AKT3: variants seen among roughly 807,000 people sequenced by gnomAD.
AKT3 encodes the protein AKT serine/threonine kinase 3.
AKT3 carries 15 observed loss-of-function variants against 65.3 expected under a neutral mutation model. The observed-to-expected ratio is 0.23, with a 90% CI of 0.15 to 0.35. The LOEUF (loss-of-function observed/expected upper bound fraction) is 0.35, where lower values mean the gene tolerates loss of function less well. Among genes scored for constraint, AKT3 ranks in the 10% least tolerant of loss-of-function variants. The probability of loss-of-function intolerance (pLI) is 1.00; values close to 1 mark genes in which losing one functional copy is unlikely to be tolerated. For missense variants in AKT3, 243 were observed against 576.5 expected, an observed-to-expected ratio of 0.42 and a Z score of 5.92; for synonymous variants, 206 against 183.8, an observed-to-expected ratio of 1.12 and a Z score of -0.98.
chr1:243,767,804 T>C (rs1689927508), intron 2 of AKT3, among the ~76,000 whole-genome samples: 1 of 152,118 alleles, frequency 6.6e-6, no homozygotes, highest in African/African-American at 2.4e-5. Context: ...GCCTCTACTT[T>C]GGTATAAGTC....
intron 2 of AKT3, among the ~76,000 whole-genome samples, chr1:243,808,909 G>A (rs953996216): frequency 9.2e-5 from 14 of 152,254 alleles, no homozygotes; most frequent in Non-Finnish European, 2.1e-4. Context: ...TTTCAATCCA[G>A]AATTTCACAT....
intron 3 of AKT3, among the ~76,000 whole-genome samples, chr1:243,695,042 T>G (rs188581904): frequency 1.3e-5 from 2 of 152,120 alleles, no homozygotes; most frequent in Admixed American, 1.3e-4. Context: ...ATCATCATTG[T>G]CATCTTTCAG....
intron 8 of AKT3, among the ~76,000 whole-genome samples, chr1:243,602,445 T>A (rs1363618584): frequency 6.6e-6 from 1 of 152,182 alleles, no homozygotes; most frequent in Non-Finnish European, 1.5e-5. Context: ...CTGAAAACTT[T>A]GTAAAATTTT....
chr1:243,807,533 G>A (rs1015723635), intron 2 of AKT3, among the ~76,000 whole-genome samples: 11 of 152,282 alleles, frequency 7.2e-5, no homozygotes, highest in East Asian at 1.9e-4. Flanking sequence ...CAAAGCAGCC[G>A]GGAAGCTCGA....
intron 2 of AKT3, among the ~76,000 whole-genome samples, chr1:243,710,434 G>A (rs1686071659): frequency 2.0e-5 from 3 of 152,098 alleles, no homozygotes; most frequent in Non-Finnish European, 4.4e-5. Flanking sequence ...GAAGCTACTA[G>A]CACTCCATTC....
chr1:243,603,181 C>G (rs1306243846), intron 8 of AKT3, among the ~76,000 whole-genome samples: 1 of 152,100 alleles, frequency 6.6e-6, no homozygotes, highest in African/African-American at 2.4e-5. Flanking sequence ...TACAAATGCC[C>G]CACTGAAATT....
intron 2 of AKT3, among the ~76,000 whole-genome samples, chr1:243,761,758 C>T (rs1287967958): frequency 1.3e-5 from 2 of 152,092 alleles, no homozygotes; most frequent in East Asian, 3.8e-4. Flanking sequence ...TAACTGTTAG[C>T]TGGGAAGAGA....
intron 3 of AKT3, among the ~76,000 whole-genome samples, chr1:243,666,154 C>T (rs796950039): frequency 3.9e-5 from 6 of 152,196 alleles, no homozygotes; most frequent in African/African-American, 1.4e-4. Flanking sequence ...CAGGCGTGCA[C>T]CACCATGCCC....
chr1:243,606,607 A>C (rs1336771896), intron 8 of AKT3, among the ~76,000 whole-genome samples: 3 of 152,244 alleles, frequency 2.0e-5, no homozygotes, highest in Non-Finnish European at 4.4e-5. Flanking sequence ...GCAGCCTGAC[A>C]ATACAATAGA....
chr1:243,569,975 C>T (rs1674441446), intron 9 of AKT3, among the ~76,000 whole-genome samples: 1 of 152,096 alleles, frequency 6.6e-6, no homozygotes, highest in Admixed American at 6.6e-5. Context: ...AGCAGTTTTC[C>T]TTAAGTAATC....
chr1:243,502,203 G>A lies in AKT3; in HGVS notation c.*3046C>T, dbSNP rs1669359470. Reference sequence around the variant, plus strand: ...TCTACTGTAGACAGTACAAACAGTAGCAGCAAAGTGTGTATGTTGAGGTGT... The same window carrying A: ...TCTACTGTAGACAGTACAAACAGTAACAGCAAAGTGTGTATGTTGAGGTGT... On this transcript the variant is annotated 3_prime_UTR_variant, in exon 14 of 14. Transcript: ENST00000673466. 4.3e-6 allele frequency: 1 copy of A among 232,230 alleles called. No homozygotes were observed. The allele number at this position is 232,230 out of a possible 1,614,324, so 14.4% of individuals were successfully genotyped here. A position where few individuals can be genotyped will look rare whatever the true frequency, so the allele number is the denominator to read the frequency against.
chr1:243,815,226 A>T (rs748836264), intron 2 of AKT3, among the ~76,000 whole-genome samples: 1 of 152,158 alleles, frequency 6.6e-6, no homozygotes, highest in Non-Finnish European at 1.5e-5. Context: ...CATTTTATAC[A>T]TAAGTAGCAA....
At chr1:243,579,977 A>G (rs1675212589) in intron 8 of AKT3, among the ~76,000 whole-genome samples, 1 of 152,202 alleles carries the variant, frequency 6.6e-6, no homozygotes, top group Non-Finnish European at 1.5e-5. Context: ...GTAAGTGGTT[A>G]TCTAGTCTCA....
intron 4 of AKT3, among the ~76,000 whole-genome samples, chr1:243,664,483 C>T (rs903738421): frequency 6.6e-6 from 1 of 151,820 alleles, no homozygotes; most frequent in Non-Finnish European, 1.5e-5. Context: ...GGATTACAGG[C>T]GTGAGCCACC....
At chr1:243,635,505 A>C (rs1216843388) in intron 6 of AKT3, among the ~76,000 whole-genome samples, 1 of 151,984 alleles carries the variant, frequency 6.6e-6, no homozygotes, top group Non-Finnish European at 1.5e-5. Flanking sequence ...AAATTGATAA[A>C]CCCTTAGCTT....
At chr1:243,599,707 A>T (rs1163168805) in intron 8 of AKT3, among the ~76,000 whole-genome samples, 1 of 152,174 alleles carries the variant, frequency 6.6e-6, no homozygotes, top group African/African-American at 2.4e-5. Flanking sequence ...CATCTACGAA[A>T]AATCTACAGC....
intron 4 of AKT3, among the ~76,000 whole-genome samples, chr1:243,647,424 T>C (rs1680905287): frequency 6.6e-6 from 1 of 152,228 alleles, no homozygotes; most frequent in South Asian, 2.1e-4. Context: ...GGGTGGGCTA[T>C]ACCATCTAGG....
At chr1:243,525,895 A>C (rs1013090248) in intron 12 of AKT3, among the ~76,000 whole-genome samples, 1 of 144,442 alleles carries the variant, frequency 6.9e-6, no homozygotes, top group African/African-American at 2.6e-5. Context: ...AATGGCTAAA[A>C]GTTTTCCAAA....
intron 9 of AKT3, among the ~76,000 whole-genome samples, chr1:243,569,670 C>T (rs908773151): frequency 6.6e-6 from 1 of 152,156 alleles, no homozygotes; most frequent in Non-Finnish European, 1.5e-5. Flanking sequence ...GTTAACTATT[C>T]TCACATTAGG....
Sources: gnomAD v4.1 joint callset for allele counts (sites outside exome capture counted in the v4.1 genomes callset) on GRCh38, gnomAD v4.1.1 for gene constraint, MANE v1.5 for transcripts, NCBI Gene and HGNC (gene_info 2026-07-23, HGNC 2026-07-21) for gene names.